The following ABCA9 variants were observed in gnomAD, a reference collection of about 807,000 sequenced individuals.
ABCA9 encodes the protein ATP-binding cassette sub-family A member 9.
A neutral mutation model predicts 205.3 loss-of-function variants in ABCA9; 183 were observed. The observed-to-expected ratio is 0.89, with a 90% CI of 0.79 to 1.01. The LOEUF is 1.01. Among genes scored for constraint, ABCA9 ranks in the 50% least tolerant of loss-of-function variants. The pLI is 0.00. For synonymous variants in ABCA9, 651 were observed against 683.3 expected (o/e 0.95, Z 0.74); for missense variants, 1,805 against 1,912.4 (o/e 0.94, Z 1.05).
chr17:69,064,956 T>G (rs1294658348), upstream of ABCA9, among the ~76,000 whole-genome samples: 2 of 152,236 alleles, frequency 1.3e-5, no homozygotes, highest in Non-Finnish European at 2.9e-5. Flanking sequence ...TTTATAGCTC[T>G]GACTGAAAAT....
At chr17:68,983,912 C>T (rs1305891563) in intron 35 of ABCA9, 63 bp from the exon 36 acceptor site, 1 of 1,609,122 alleles carries the variant, frequency 6.2e-7, no homozygotes, top group Non-Finnish European at 8.5e-7. Flanking sequence ...TTGTGATGTT[C>T]AGCCTCTGGA....
chr17:69,016,414 C>T (rs1006038527), intron 21 of ABCA9, 24 bp from the exon 22 acceptor site: 28 of 1,549,346 alleles, frequency 1.8e-5, no homozygotes, highest in East Asian at 1.2e-4. Context: ...AGTACCAATT[C>T]GAAGTCTTCA....
chr17:68,983,079 G>A (rs775905772), intron 36 of ABCA9, among the ~76,000 whole-genome samples: 7 of 152,138 alleles, frequency 4.6e-5, no homozygotes, highest in South Asian at 2.1e-4. Context: ...ACATCTGTGC[G>A]GTGTTAGAGA....
intron 9 of ABCA9, 49 bp downstream of exon 9, chr17:69,033,677 A>ACATGC (rs767324548): frequency 6.7e-7 from 1 of 1,497,450 alleles, no homozygotes; most frequent in East Asian, 2.3e-5. Context: ...TGTTTTAAAG[A>ACATGC]CATGCAATTA....
intron 27 of ABCA9, 106 bp from the exon 28 acceptor site, chr17:68,992,372 G>A: frequency 1.4e-6 from 1 of 712,512 alleles, no homozygotes; most frequent in African/African-American, 1.8e-5. Context: ...CGATTTGATA[G>A]CATTCATTTT....
the ABCA9 span, among the ~76,000 whole-genome samples, chr17:69,067,498 G>A: frequency 6.6e-6 from 1 of 151,178 alleles, no homozygotes; most frequent in African/African-American, 2.4e-5. Flanking sequence ...GGACGTTGCA[G>A]TGAGCTGAGA....
rs372765186 is a variant in ABCA9 at position 68,993,005 on chromosome 17, A to G, written c.3624+11T>C. On this transcript the variant is annotated intron_variant, in intron 27 of 38. Coordinates refer to ENST00000340001, the MANE Select transcript of ABCA9 (RefSeq NM_080283.4). The stretch of plus-strand genomic sequence containing the variant: ...CTCATGCAAGAATGTTGAAAAAAAA[A>G]GTCTTCTTACTATTAGCAGTGCCAG... 2.5e-6 allele frequency: 4 copies of G among 1,603,214 alleles called. No individual in the cohort carries two copies. Among genetic ancestry groups the G allele is most frequent in the Non-Finnish European group, 2.6e-6 (3 of 1,173,006 alleles).
rs1390234719 is a variant in ABCA9 at position 69,012,074 on chromosome 17, C to T, written c.3049G>A (p.Asp1017Asn). The T allele has an allele frequency of 6.2e-7, 1 of 1,609,524 alleles. No individual in the cohort carries two copies. ...DRSTFFEEHM[D>N]YEYGYRSNTF... is the part of the protein sequence containing the mutation. ...TTACTTCGGTACCCATACTCATAATCCATATGCTCCTGAAATCATGTGGAA... is the reference window on the plus strand; with the variant it reads ...TTACTTCGGTACCCATACTCATAATTCATATGCTCCTGAAATCATGTGGAA... Residue 1017 changes from aspartate to asparagine, a missense_variant, in exon 23 of 39, where the codon GAT becomes AAT. Transcript: ENST00000340001.
intron 37 of ABCA9, among the ~76,000 whole-genome samples, chr17:68,976,776 A>T (rs1339657059): frequency 1.3e-5 from 2 of 152,186 alleles, no homozygotes; most frequent in African/African-American, 4.8e-5. Context: ...AGGTAGTTAC[A>T]CTGTTCCATG....
chr17:69,072,922 G>T, the ABCA9 span, among the ~76,000 whole-genome samples: 3 of 152,238 alleles, frequency 2.0e-5, no homozygotes, highest in Middle Eastern at 3.4e-3. Flanking sequence ...CAAGCAAATG[G>T]AAAGCAAATA....
the ABCA9 span, among the ~76,000 whole-genome samples, chr17:69,070,485 A>G: frequency 6.6e-6 from 1 of 152,214 alleles, no homozygotes; most frequent in Middle Eastern, 3.4e-3. Flanking sequence ...CGGGAAGAAC[A>G]AGGGGTCAAG....
At chr17:69,029,046 A>G in intron 11 of ABCA9, 123 bp downstream of exon 11, 1 of 505,230 alleles carries the variant, frequency 2.0e-6, no homozygotes, top group Non-Finnish European at 3.4e-6. Context: ...AAGGAAACAT[A>G]ATGTGTTCAA....
intron 23 of ABCA9, among the ~76,000 whole-genome samples, chr17:69,010,143 T>C (rs2070318242): frequency 1.3e-5 from 2 of 150,238 alleles, no homozygotes; most frequent in South Asian, 4.2e-4. Flanking sequence ...GTGCTGATGA[T>C]GTTTATTCCT....
At chr17:69,028,210 AGGCTG>A (rs373037648) in intron 12 of ABCA9, among the ~76,000 whole-genome samples, 176 of 152,344 alleles carry the variant, frequency 1.2e-3, no homozygotes, top group African/African-American at 4.1e-3. Flanking sequence ...CTCTGTCGCC[AGGCTG>A]GAGTGCTGTG....
At chr17:69,075,817 T>C in the ABCA9 span, among the ~76,000 whole-genome samples, 1 of 152,144 alleles carries the variant, frequency 6.6e-6, no homozygotes, top group Non-Finnish European at 1.5e-5. Flanking sequence ...GTAGATTGCT[T>C]TGGGGAGTAT....
rs550105158 is a variant in ABCA9, at chr17:68,977,321, G to C, written c.4721-1131C>G. 4.6e-5 allele frequency among the ~76,000 whole-genome samples: 7 copies of C among 152,192 alleles called. No individual in the cohort carries two copies. The East Asian group carries it at 1.4e-3, about 29-fold the overall frequency. ...GAAAGTCATCAAGGAACCCATAAAA[G>C]TACCCAATGAAAGAAAGGGCCAGCA... On this transcript the variant is annotated intron_variant, in intron 37 of 38. Transcript: ENST00000340001.
At position 69,021,746 on chromosome 17, in the gene ABCA9, TTCA is replaced by T. The variant is rs776039632; in HGVS notation, c.2394_2396del (p.Asp798del). On this transcript the variant is annotated inframe_deletion, in exon 18 of 39. Coordinates refer to ENST00000340001, the MANE Select transcript of ABCA9 (RefSeq NM_080283.4). The stretch of plus-strand genomic sequence containing the variant: ...CTCTTTCTTATTTTTTCTTACCTGA[TTCA>T]TCAATAGTTGATTTTCCTTCTAATT... The T allele has an allele frequency of 6.4e-7, 1 of 1,562,538 alleles. No homozygotes were observed. The highest frequency in any genetic ancestry group is 8.7e-7 in the Non-Finnish European group (1 of 1,148,472).
the ABCA9 span, among the ~76,000 whole-genome samples, chr17:69,069,408 TGGA>T: frequency 6.6e-6 from 1 of 152,130 alleles, no homozygotes; most frequent in East Asian, 1.9e-4. Flanking sequence ...TGAGTGTAAC[TGGA>T]GGAGGGCAAA....
intron 12 of ABCA9, among the ~76,000 whole-genome samples, chr17:69,028,050 C>A (rs1364210161): frequency 6.6e-6 from 1 of 151,910 alleles, no homozygotes; most frequent in Non-Finnish European, 1.5e-5. Flanking sequence ...ATTTAAAACA[C>A]GAACAACATT....
Sources: gnomAD v4.1 joint callset for allele counts (sites outside exome capture counted in the v4.1 genomes callset) on GRCh38, gnomAD v4.1.1 for gene constraint, MANE v1.5 for transcripts, NCBI Gene and HGNC (gene_info 2026-07-23, HGNC 2026-07-21) for gene names.